AGL: variants seen among roughly 807,000 people sequenced by gnomAD.
The protein encoded by AGL is amylo-alpha-1,6-glucosidase and 4-alpha-glucanotransferase, also known as glycogen debranching enzyme.
Under a neutral mutation model 199.3 loss-of-function variants are expected in AGL, and 128 were observed. The ratio of observed to expected loss-of-function variants is 0.64; its 90% CI spans 0.56 to 0.74. AGL has a LOEUF of 0.74. AGL is among the 30% of genes least tolerant of loss of function. The pLI is 0.00. For synonymous variants in AGL, 584 were observed against 594.7 expected (o/e 0.98, Z 0.26); for missense variants, 1,809 against 1,820.8 (o/e 0.99, Z 0.12).
At chr1:99,852,193 C>T (rs1346143590) in intron 2 of AGL, among the ~76,000 whole-genome samples, 1 of 152,102 alleles carries the variant, frequency 6.6e-6, no homozygotes. Flanking sequence ...ACTGTTGCCT[C>T]TGTGCTAATG....
chr1:99,874,955 C>A lies in AGL; in HGVS notation c.1082+145C>A, dbSNP rs544859010. The A allele has an allele frequency of 2.5e-5, 29 of 1,176,266 alleles. No individual in the cohort carries two copies. The African/African-American group carries it at 4.3e-4, about 18-fold the overall frequency. 72.9% of individuals were successfully genotyped at this position (1,176,266 alleles called of 1,614,324 possible). On this transcript the variant is annotated intron_variant, in intron 8 of 33. Coordinates refer to ENST00000361915, the MANE Select transcript of AGL (RefSeq NM_000642.3). ...GTAATTCTACTATTTCAGCACATGA[C>A]ATTTTCCCACTTTTTCTGTGTGTGG...
Position 99,879,969 on chromosome 1 carries a change from T to G in AGL, c.1658T>G (p.Val553Gly). ...AATTTGCAACCCAATTTATATGTAG[T>G]AGCTGAACTGTTCACAGGAAGTGAA... ...ARNLQPNLYV[V>G]AELFTGSEDL... Residue 553 changes from valine (V) to glycine (G), a missense_variant, in exon 13 of 34, where the codon GTA (valine) becomes GGA (glycine). Physicochemically the swap from Val to Gly is moderately radical, Grantham distance 109. Transcript: ENST00000361915. 1 of 1,613,782 alleles carries G rather than the reference T, an allele frequency of 6.2e-7. No individual in the cohort carries two copies. Among genetic ancestry groups the G allele is most frequent in the East Asian group, 2.2e-5 (1 of 44,776 alleles).
intron 21 of AGL, among the ~76,000 whole-genome samples, chr1:99,889,794 ATTC>A (rs1473338412): frequency 6.6e-6 from 1 of 152,080 alleles, no homozygotes; most frequent in Non-Finnish European, 1.5e-5. Flanking sequence ...TAATGAAATG[ATTC>A]TTCTTATCTT....
intron 25 of AGL, 80 bp from the exon 26 acceptor site, chr1:99,900,556 T>G: frequency 7.7e-7 from 1 of 1,298,530 alleles, no homozygotes; most frequent in Non-Finnish European, 1.1e-6. Flanking sequence ...CAAAATATAG[T>G]CACCAAAAGT....
At chr1:99,870,720 A>G in intron 6 of AGL, 38 bp from the exon 7 acceptor site, 2 of 1,408,558 alleles carry the variant, frequency 1.4e-6, no homozygotes, top group Non-Finnish European at 1.0e-6. Context: ...AAATAAGTAT[A>G]TGTATATATG....
intron 7 of AGL, among the ~76,000 whole-genome samples, chr1:99,874,223 G>A (rs1196570427): frequency 1.4e-5 from 2 of 145,596 alleles, no homozygotes; most frequent in East Asian, 4.0e-4. Context: ...GCACCGGGGA[G>A]GAAAACGGGT....
intron 20 of AGL, among the ~76,000 whole-genome samples, chr1:99,885,381 C>T (rs1489334969): frequency 6.6e-6 from 1 of 152,156 alleles, no homozygotes; most frequent in Non-Finnish European, 1.5e-5. Context: ...ATGCCTGGCA[C>T]ATAGTAAATG....
intron 26 of AGL, among the ~76,000 whole-genome samples, chr1:99,901,567 G>T (rs1653841069): frequency 6.6e-6 from 1 of 152,050 alleles, no homozygotes; most frequent in Non-Finnish European, 1.5e-5. Context: ...GGTAGTAAGA[G>T]ATTATGGAAA....
intron 26 of AGL, among the ~76,000 whole-genome samples, chr1:99,901,274 T>G (rs1482369147): frequency 6.7e-6 from 1 of 150,316 alleles, no homozygotes; most frequent in Non-Finnish European, 1.5e-5. Context: ...AAGCCAGGTG[T>G]ATGGCACACA....
At chr1:99,852,850 G>T in intron 2 of AGL, 1 of 699,806 alleles carries the variant, frequency 1.4e-6, no homozygotes. Flanking sequence ...CCTGGACCTT[G>T]GCTTCAACCT....
At chr1:99,909,013 A>G (rs1428869669) in intron 27 of AGL, among the ~76,000 whole-genome samples, 1 of 152,068 alleles carries the variant, frequency 6.6e-6, no homozygotes, top group African/African-American at 2.4e-5. Flanking sequence ...ATACAGCTTT[A>G]AAGCGTGGTT....
intron 17 of AGL, among the ~76,000 whole-genome samples, chr1:99,882,765 A>T (rs533796694): frequency 6.6e-6 from 1 of 152,190 alleles, no homozygotes; most frequent in Non-Finnish European, 1.5e-5. Context: ...GCTCCTGTTC[A>T]TGCAGCAGCT....
chr1:99,850,355 C>G (rs949298765), upstream of AGL: 22 of 152,704 alleles, frequency 1.4e-4, no homozygotes, highest in African/African-American at 5.0e-4. Flanking sequence ...TCCCCCCGAC[C>G]GTAGCACCAG....
In AGL at chr1:99,913,220, T is replaced by TA. The variant is rs1021980205; in HGVS notation, c.3950-294dup. On this transcript the variant is annotated intron_variant, in intron 29 of 33. Coordinates refer to ENST00000361915, the MANE Select transcript of AGL (RefSeq NM_000642.3). ...GGGTGGACAATACCAGACGCTGTCT[T>TA]AAAAAAAAAAAAAGACATTTTATTT... Among the ~76,000 whole-genome samples, 431 of 142,384 alleles carry TA rather than the reference T, an allele frequency of 3.0e-3. 1 individual carries two copies. The highest frequency in any genetic ancestry group is 4.3e-3 in the Non-Finnish European group (281 of 64,938). The allele number at this position is 142,384 out of a possible 152,430, so 93.4% of individuals were successfully genotyped here.
chr1:99,887,497 G>T (rs1033014511), intron 20 of AGL, among the ~76,000 whole-genome samples: 5 of 152,078 alleles, frequency 3.3e-5, no homozygotes, highest in African/African-American at 1.2e-4. Context: ...AATTAACTTT[G>T]ACTTTTTATT....
Position 99,875,422 on chromosome 1 carries a change from G to A in AGL, c.1250G>A (p.Gly417Glu). The A allele has an allele frequency of 6.2e-7, 1 of 1,614,064 alleles. No homozygotes were observed. Among genetic ancestry groups the A allele is most frequent in the Non-Finnish European group, 8.5e-7 (1 of 1,180,010 alleles). Residue 417 changes from glycine (G) to glutamate (E), a missense_variant, in exon 10 of 34, where the codon GGA becomes GAA. Physicochemically the swap from Gly to Glu is moderately conservative, Grantham distance 98 (BLOSUM62 -2). Transcript: ENST00000361915. ...ERLAGHGPKLGPVTRKHPLVT... is the reference protein window; with the variant it reads ...ERLAGHGPKLEPVTRKHPLVT... ...CTGGCTGGCCATGGTCCAAAACTAGGACCTGTCACTAGAAAGCATCCTTTA... is the reference window on the plus strand; with the variant it reads ...CTGGCTGGCCATGGTCCAAAACTAGAACCTGTCACTAGAAAGCATCCTTTA...
At chr1:99,854,378 ACT>A (rs1330262903) in intron 2 of AGL, among the ~76,000 whole-genome samples, 1 of 152,200 alleles carries the variant, frequency 6.6e-6, no homozygotes, top group African/African-American at 2.4e-5. Context: ...TGACTTTATA[ACT>A]CTGGTTAAAA....
In AGL at chr1:99,879,913, C is replaced by G. The variant is rs1057524368; in HGVS notation, c.1612-10C>G. 3 of 1,604,172 alleles carry G rather than the reference C, an allele frequency of 1.9e-6. No homozygotes were observed. The highest frequency in any genetic ancestry group is 1.1e-5 in the South Asian group (1 of 90,880). On this transcript the variant is annotated splice_polypyrimidine_tract_variant and intron_variant, in intron 12 of 33. Coordinates refer to ENST00000361915, the MANE Select transcript of AGL (RefSeq NM_000642.3). ...TTTATTTGTTACATTTGTCACTGTG[C>G]TTTTTACAGTACATGTTGGATGCTG...
At chr1:99,905,556 C>T (rs1463809786) in intron 27 of AGL, among the ~76,000 whole-genome samples, 6 of 152,114 alleles carry the variant, frequency 3.9e-5, no homozygotes, top group Admixed American at 1.3e-4. Flanking sequence ...TGTCGGTTCA[C>T]GTATTTTGCA....
Sources: allele counts gnomAD v4.1 joint callset (sites outside exome capture counted in the v4.1 genomes callset), GRCh38; gene constraint gnomAD v4.1.1; transcripts MANE v1.5; gene names NCBI Gene and HGNC (gene_info 2026-07-23, HGNC 2026-07-21).